FBXL5: variants seen among roughly 807,000 people sequenced by gnomAD.
FBXL5 encodes F-box/LRR-repeat protein 5.
Under a neutral mutation model 78.3 loss-of-function variants are expected in FBXL5, and 26 were observed. That is an observed-to-expected ratio of 0.33 (90% CI 0.24 to 0.46). The LOEUF (loss-of-function observed/expected upper bound fraction) is 0.46, where lower values mean the gene tolerates loss of function less well. Among genes scored for constraint, FBXL5 ranks in the 20% least tolerant of loss-of-function variants. The pLI is 1.00. For missense variants in FBXL5, 710 were observed against 829.2 expected (o/e 0.86, Z 1.77); for synonymous variants, 295 against 282.5 (o/e 1.04, Z -0.45).
At chr4:15,672,577 A>C (rs997445724) in intron 1 of FBXL5, among the ~76,000 whole-genome samples, 1 of 152,222 alleles carries the variant, frequency 6.6e-6, no homozygotes, top group Non-Finnish European at 1.5e-5. Context: ...AGTATGAAAG[A>C]TAAAATGGTA....
At chr4:15,662,105 GC>G (rs1281807919), upstream of FBXL5, among the ~76,000 whole-genome samples, 1 of 152,196 alleles carries the variant, frequency 6.6e-6, no homozygotes, top group Admixed American at 6.5e-5. Flanking sequence ...TCATGCCTAT[GC>G]TACTGGTCAT....
chr4:15,648,542 C>T (rs1715605672), intron 1 of FBXL5, among the ~76,000 whole-genome samples: 1 of 152,024 alleles, frequency 6.6e-6, no homozygotes, highest in South Asian at 2.1e-4. Context: ...ATTATTCAGT[C>T]ATAAAAAAGG....
At chr4:15,609,163 T>G (rs995140277) in intron 10 of FBXL5, among the ~76,000 whole-genome samples, 2 of 152,058 alleles carry the variant, frequency 1.3e-5, no homozygotes, top group East Asian at 3.9e-4. Context: ...CTTTAAATAT[T>G]TGACTTATCA....
At chr4:15,676,182 A>G (rs1717985591) in intron 1 of FBXL5, among the ~76,000 whole-genome samples, 1 of 152,234 alleles carries the variant, frequency 6.6e-6, no homozygotes, top group South Asian at 2.1e-4. Flanking sequence ...CATATATATT[A>G]GGACACTGTT....
chr4:15,636,487 T>C lies in FBXL5; in HGVS notation c.766+7A>G. ...CATGAAAATATTTTAAAAACCCATT[T>C]ACCTACCTCTGGCCCAATGAACAGG... On this transcript the variant is annotated splice_region_variant and intron_variant, in intron 5 of 10. Transcript: ENST00000341285. 6.6e-7 allele frequency: 1 copy of C among 1,524,602 alleles called. No individual in the cohort carries two copies. Among genetic ancestry groups the C allele is most frequent in the Non-Finnish European group, 8.8e-7 (1 of 1,135,558 alleles). 94.4% of individuals were successfully genotyped at this position (1,524,602 alleles called of 1,614,324 possible). A position where few individuals can be genotyped will look rare whatever the true frequency, so the allele number is the denominator to read the frequency against.
chr4:15,655,862 C>G (rs927216064), upstream of FBXL5, among the ~76,000 whole-genome samples: 3 of 152,224 alleles, frequency 2.0e-5, no homozygotes, highest in Admixed American at 2.0e-4. Context: ...CAGACCACCC[C>G]GGCCGCCACT....
intron 1 of FBXL5, among the ~76,000 whole-genome samples, chr4:15,653,226 T>C (rs1005548372): frequency 6.6e-6 from 1 of 152,220 alleles, no homozygotes; most frequent in African/African-American, 2.4e-5. Context: ...AGTAATAATT[T>C]TGACTTACAC....
intron 5 of FBXL5, among the ~76,000 whole-genome samples, chr4:15,636,132 A>G (rs1371464133): frequency 6.6e-6 from 1 of 152,144 alleles, no homozygotes; most frequent in Non-Finnish European, 1.5e-5. Context: ...CAGTTTTGAA[A>G]GCTTACTAAT....
Position 15,655,355 on chromosome 4 carries a change from G to T in FBXL5, c.-68C>A. The T allele has an allele frequency of 8.4e-7, 1 of 1,195,970 alleles. No individual in the cohort carries two copies. The highest frequency in any genetic ancestry group is 1.1e-6 in the Non-Finnish European group (1 of 939,036). The allele number at this position is 1,195,970 out of a possible 1,614,324, so 74.1% of individuals were successfully genotyped here. The stretch of plus-strand genomic sequence containing the variant: ...CTCTCCATAGACACCCTCGCCGCGG[G>T]GCAGAGGCGGCGCGCCCCCTTGCGC... On this transcript the variant is annotated 5_prime_UTR_variant, in exon 1 of 11. Transcript: ENST00000341285.
chr4:15,644,666 G>A lies in FBXL5; in HGVS notation c.127C>T (p.Leu43Phe). ...AAAGTAGCATACAAAGACTGCAGAA[G>A]AGCACGGAAATCGTTGTTGTTGGAA... Reference protein sequence around the residue: ...NFSNNNDFRALLQSLYATFKE... With the variant: ...NFSNNNDFRAFLQSLYATFKE... Residue 43 changes from leucine to phenylalanine, a missense_variant, in exon 2 of 11, where the codon CTT becomes TTT. By Grantham distance (22) the Leu-to-Phe change is conservative. Transcript: ENST00000341285. 1.2e-6 allele frequency: 2 copies of A among 1,612,952 alleles called. No individual in the cohort carries two copies. The highest frequency in any genetic ancestry group is 1.1e-5 in the South Asian group (1 of 90,842).
intron 9 of FBXL5, among the ~76,000 whole-genome samples, chr4:15,613,654 T>C (rs1219258551): frequency 1.3e-5 from 2 of 152,020 alleles, no homozygotes; most frequent in African/African-American, 4.8e-5. Flanking sequence ...CTTTGTTGGG[T>C]TGGGTTAATT....
chr4:15,666,759 G>A (rs1717564383), intron 1 of FBXL5, among the ~76,000 whole-genome samples: 1 of 151,844 alleles, frequency 6.6e-6, no homozygotes, highest in Admixed American at 6.6e-5. Context: ...AGGTCAAGGT[G>A]ACAGTGAGCT....
chr4:15,679,063 ATTT>A (rs60866290), intron 1 of FBXL5, among the ~76,000 whole-genome samples: 5 of 118,746 alleles, frequency 4.2e-5, no homozygotes, highest in Admixed American at 9.0e-5. Context: ...TAAAATCTCT[ATTT>A]TTTTTTTTTT....
At chr4:15,675,562 CAAAACTCCT>C (rs1717952852) in intron 1 of FBXL5, among the ~76,000 whole-genome samples, 1 of 143,738 alleles carries the variant, frequency 7.0e-6, no homozygotes, top group East Asian at 2.1e-4. Flanking sequence ...TTCTCGGTCA[CAAAACTCCT>C]ATTTTTTTTT....
intron 6 of FBXL5, among the ~76,000 whole-genome samples, chr4:15,630,452 T>C (rs1713509813): frequency 6.6e-6 from 1 of 152,198 alleles, no homozygotes; most frequent in East Asian, 1.9e-4. Flanking sequence ...GATTTTAATA[T>C]AAAAACGAGA....
intron 1 of FBXL5, among the ~76,000 whole-genome samples, chr4:15,650,803 T>C (rs1047548344): frequency 6.6e-5 from 10 of 151,892 alleles, no homozygotes; most frequent in African/African-American, 2.4e-4. Flanking sequence ...CAGCTAATTT[T>C]TGTATTTTTA....
chr4:15,625,662 C>G lies in FBXL5; in HGVS notation c.1440G>C (p.Trp480Cys). 6.2e-7 allele frequency: 1 copy of G among 1,614,208 alleles called. No individual in the cohort carries two copies. Among genetic ancestry groups the G allele is most frequent in the Non-Finnish European group, 8.5e-7 (1 of 1,180,040 alleles). The change falls in exon 9 of 11, where the codon TGG (tryptophan) becomes TGC (cysteine). Residue 480 changes from tryptophan (W) to cysteine (C), a missense_variant. This residue lies in a region of FBXL5 where 517 missense variants were observed against 542.9 expected (regional missense o/e 0.95). Transcript: ENST00000341285. ...SSENFTSPYVWMLDAEDLADI... is the reference protein window; with the variant it reads ...SSENFTSPYVCMLDAEDLADI... ...CAGCCAAATCTTCAGCATCTAACAT[C>G]CACACATAAGGAGAAGTGAAATTCT...
At chr4:15,679,573 A>C (rs1718129159) in intron 1 of FBXL5, among the ~76,000 whole-genome samples, 1 of 151,498 alleles carries the variant, frequency 6.6e-6, no homozygotes, top group Non-Finnish European at 1.5e-5. Context: ...AAAAAAAAAA[A>C]AAAACAAAAA....
intron 1 of FBXL5, among the ~76,000 whole-genome samples, chr4:15,680,009 T>C (rs914235315): frequency 6.6e-6 from 1 of 152,144 alleles, no homozygotes; most frequent in Non-Finnish European, 1.5e-5. Context: ...CTACGCGTGA[T>C]TTACTGTATA....
Sources: gnomAD v4.1 joint callset for allele counts (sites outside exome capture counted in the v4.1 genomes callset) on GRCh38, gnomAD v4.1.1 for gene constraint, gnomAD v4.1.1 regional missense constraint, MANE v1.5 for transcripts, NCBI Gene and HGNC (gene_info 2026-07-23, HGNC 2026-07-21) for gene names.